Variants in CDKAL1 observed in about 807,000 individuals in gnomAD.
The protein encoded by CDKAL1 is CDKAL1 threonylcarbamoyladenosine tRNA methylthiotransferase.
A neutral mutation model predicts 68.2 loss-of-function variants in CDKAL1; 32 were observed. The observed-to-expected ratio is 0.47, with a 90% CI of 0.35 to 0.63. CDKAL1 has a LOEUF of 0.63. Among genes scored for constraint, CDKAL1 ranks in the 30% least tolerant of loss-of-function variants. The pLI, the probability that CDKAL1 is intolerant of heterozygous loss-of-function variation, is 0.00. For synonymous variants in CDKAL1, 234 were observed against 244.3 expected, an observed-to-expected ratio of 0.96 and a Z score of 0.39; for missense variants, 606 against 696.7, an observed-to-expected ratio of 0.87 and a Z score of 1.47.
At position 20,613,281 on chromosome 6, in the gene CDKAL1, T is replaced by C. The variant is rs1401363100; in HGVS notation, c.287-36012T>C. On this transcript the variant is annotated intron_variant, in intron 4 of 15. Coordinates refer to ENST00000274695, the MANE Select transcript of CDKAL1 (RefSeq NM_017774.3). Reference sequence around the variant, plus strand: ...TTTTTTTTTTTTTTTTTTTTTTTTTTTTTTTTTTTTTGAGACGGAGTCTCG... The same window carrying C: ...TTTTTTTTTTTTTTTTTTTTTTTTTCTTTTTTTTTTTGAGACGGAGTCTCG... Among the ~76,000 whole-genome samples the C allele has an allele frequency of 6.9e-5, 3 of 43,394 alleles. 1 individual carries two copies. The highest frequency in any genetic ancestry group is 1.3e-4 in the Non-Finnish European group (3 of 22,846). 28.5% of individuals were successfully genotyped at this position (43,394 alleles called of 152,430 possible).
At chr6:20,901,604 C>T (rs1331588124) in intron 9 of CDKAL1, among the ~76,000 whole-genome samples, 7 of 141,318 alleles carry the variant, frequency 5.0e-5, no homozygotes, top group Non-Finnish European at 9.1e-5. Flanking sequence ...TGGTGTGAAC[C>T]TGGGAGGCAG....
chr6:20,919,803 A>G (rs898146386), intron 9 of CDKAL1, among the ~76,000 whole-genome samples: 3 of 152,208 alleles, frequency 2.0e-5, no homozygotes, highest in African/African-American at 7.2e-5. Context: ...TCCTCCCACA[A>G]TAGAACTCAG....
chr6:20,590,336 T>A (rs1243528866), intron 4 of CDKAL1, among the ~76,000 whole-genome samples: 1 of 152,136 alleles, frequency 6.6e-6, no homozygotes, highest in African/African-American at 2.4e-5. Flanking sequence ...ACCATAATTT[T>A]ATTTTTTTGT....
At chr6:21,229,190 A>G (rs1468164572) in intron 15 of CDKAL1, among the ~76,000 whole-genome samples, 1 of 152,158 alleles carries the variant, frequency 6.6e-6, no homozygotes, top group African/African-American at 2.4e-5. Context: ...TTCTTCCCAC[A>G]CAATCACATA....
chr6:21,195,554 A>G (rs948814531), intron 13 of CDKAL1, among the ~76,000 whole-genome samples: 2 of 150,920 alleles, frequency 1.3e-5, no homozygotes, highest in African/African-American at 4.9e-5. Flanking sequence ...TCAGTCACCA[A>G]TGCTGGAATG....
intron 5 of CDKAL1, among the ~76,000 whole-genome samples, chr6:20,656,167 T>C (rs1769017415): frequency 6.6e-6 from 1 of 152,212 alleles, no homozygotes; most frequent in African/African-American, 2.4e-5. Flanking sequence ...GTCTGTGCAT[T>C]TAACCATTTT....
At chr6:21,035,184 A>G (rs559681232) in intron 11 of CDKAL1, among the ~76,000 whole-genome samples, 10 of 152,282 alleles carry the variant, frequency 6.6e-5, no homozygotes, top group African/African-American at 9.6e-5. Flanking sequence ...ATCTTAGCCA[A>G]TCACAGGAAT....
chr6:20,671,473 A>G (rs1769811526), intron 5 of CDKAL1, among the ~76,000 whole-genome samples: 1 of 152,102 alleles, frequency 6.6e-6, no homozygotes, highest in Non-Finnish European at 1.5e-5. Context: ...CATTAAATTT[A>G]TGAATCTTTT....
At chr6:20,671,808 G>A (rs1769830083) in intron 5 of CDKAL1, among the ~76,000 whole-genome samples, 1 of 151,898 alleles carries the variant, frequency 6.6e-6, no homozygotes, top group Admixed American at 6.6e-5. Context: ...GTGCAATAAT[G>A]GCTTACTACA....
chr6:20,577,218 T>C (rs938932590), intron 4 of CDKAL1, among the ~76,000 whole-genome samples: 1 of 152,218 alleles, frequency 6.6e-6, no homozygotes, highest in Non-Finnish European at 1.5e-5. Context: ...TAACACATTT[T>C]ATTATGAACT....
chr6:21,146,564 A>T (rs76284944), intron 13 of CDKAL1, among the ~76,000 whole-genome samples: 1 of 152,090 alleles, frequency 6.6e-6, no homozygotes, highest in African/African-American at 2.4e-5. Context: ...GATACTCTTA[A>T]ATTTGGCCCG....
chr6:20,700,753 C>T (rs1771313557), intron 5 of CDKAL1, among the ~76,000 whole-genome samples: 1 of 152,112 alleles, frequency 6.6e-6, no homozygotes, highest in Non-Finnish European at 1.5e-5. Context: ...GCCCACTGAG[C>T]CACCTCTTGT....
chr6:20,955,110 G>A (rs1203802990), intron 9 of CDKAL1, among the ~76,000 whole-genome samples: 1 of 152,134 alleles, frequency 6.6e-6, no homozygotes, highest in Non-Finnish European at 1.5e-5. Context: ...ATTCTCTGAG[G>A]TGGGACTGAG....
At chr6:20,677,441 G>A (rs1442763708) in intron 5 of CDKAL1, among the ~76,000 whole-genome samples, 1 of 148,624 alleles carries the variant, frequency 6.7e-6, no homozygotes, top group Non-Finnish European at 1.5e-5. Context: ...TTTTTTAGAT[G>A]GAGTTTTACT....
At chr6:20,712,299 A>G (rs112716129) in intron 5 of CDKAL1, among the ~76,000 whole-genome samples, 1 of 152,174 alleles carries the variant, frequency 6.6e-6, no homozygotes, top group Non-Finnish European at 1.5e-5. Context: ...AATGGTCAGG[A>G]AAGACTTTTC....
chr6:21,023,499 C>T (rs536234979), intron 11 of CDKAL1, among the ~76,000 whole-genome samples: 4 of 152,270 alleles, frequency 2.6e-5, no homozygotes, highest in East Asian at 3.9e-4. Flanking sequence ...AGCCAGAAAG[C>T]TCAAGTCCTT....
chr6:21,215,796 C>T (rs1779321644), intron 15 of CDKAL1, among the ~76,000 whole-genome samples: 1 of 152,090 alleles, frequency 6.6e-6, no homozygotes, highest in Non-Finnish European at 1.5e-5. Flanking sequence ...CAGAATAATG[C>T]CCCCCACTTC....
chr6:20,825,938 G>A (rs1395874164), intron 8 of CDKAL1, among the ~76,000 whole-genome samples: 1 of 152,006 alleles, frequency 6.6e-6, no homozygotes, highest in African/African-American at 2.4e-5. Flanking sequence ...ATTTTGGGGG[G>A]ATTACTTTAT....
chr6:21,221,404 T>A (rs371052630), intron 15 of CDKAL1, among the ~76,000 whole-genome samples: 1 of 152,018 alleles, frequency 6.6e-6, no homozygotes. Flanking sequence ...AATTTTGTAT[T>A]TTTTGTAGAG....
Sources: allele counts gnomAD v4.1 joint callset (sites outside exome capture counted in the v4.1 genomes callset), GRCh38; gene constraint gnomAD v4.1.1; transcripts MANE v1.5; gene names NCBI Gene and HGNC (gene_info 2026-07-23, HGNC 2026-07-21).